The following FAT4 variants were observed in gnomAD, a reference collection of about 807,000 sequenced individuals.
The protein encoded by FAT4 is FAT atypical cadherin 4.
Under a neutral mutation model 303.9 loss-of-function variants are expected in FAT4, and 84 were observed. The observed-to-expected ratio is 0.28, with a 90% CI of 0.23 to 0.33. The LOEUF is 0.33. Among genes scored for constraint, FAT4 ranks in the 10% least tolerant of loss-of-function variants. The probability of loss-of-function intolerance (pLI) is 1.00; values close to 1 mark genes in which losing one functional copy is unlikely to be tolerated. For synonymous variants in FAT4, 2,307 were observed against 2,298.8 expected, an observed-to-expected ratio of 1.00 and a Z score of -0.10; for missense variants, 6,005 against 6,146.8, an observed-to-expected ratio of 0.98 and a Z score of 0.77.
chr4:125,466,814 G>A (rs935487964), intron 11 of FAT4, among the ~76,000 whole-genome samples: 20 of 144,494 alleles, frequency 1.4e-4, no homozygotes, highest in East Asian at 4.0e-4. Flanking sequence ...TCGCTCTGTC[G>A]CCCAGGCTGG....
intron 2 of FAT4, among the ~76,000 whole-genome samples, chr4:125,342,642 ACACT>A (rs1731841612): frequency 2.0e-5 from 3 of 151,922 alleles, no homozygotes; most frequent in African/African-American, 7.2e-5. Flanking sequence ...TTACATTAAA[ACACT>A]CAGCACATTA....
intron 2 of FAT4, among the ~76,000 whole-genome samples, chr4:125,386,138 C>A (rs557795133): frequency 6.6e-6 from 1 of 152,214 alleles, no homozygotes; most frequent in Non-Finnish European, 1.5e-5. Flanking sequence ...TGTACTAGTG[C>A]AATGAACAAA....
chr4:125,486,554 T>A (rs1475486663), intron 16 of FAT4, among the ~76,000 whole-genome samples: 3 of 152,196 alleles, frequency 2.0e-5, no homozygotes, highest in African/African-American at 7.2e-5. Context: ...AGGATTATGC[T>A]CCCTGAACCA....
At chr4:125,396,646 A>T (rs1375224972) in intron 2 of FAT4, among the ~76,000 whole-genome samples, 1 of 152,114 alleles carries the variant, frequency 6.6e-6, no homozygotes, top group East Asian at 1.9e-4. Context: ...ATGCGAGCAC[A>T]CATGCACACA....
chr4:125,369,559 A>C (rs1733024687), intron 2 of FAT4, among the ~76,000 whole-genome samples: 1 of 152,250 alleles, frequency 6.6e-6, no homozygotes, highest in South Asian at 2.1e-4. Flanking sequence ...TCTGTTGTTT[A>C]ATGAAAATGG....
At chr4:125,379,661 T>C (rs1258569714) in intron 2 of FAT4, among the ~76,000 whole-genome samples, 1 of 151,994 alleles carries the variant, frequency 6.6e-6, no homozygotes, top group Non-Finnish European at 1.5e-5. Flanking sequence ...GGTTTCACCA[T>C]GTTGGCCAGG....
chr4:125,423,747 G>C (rs546943297), intron 7 of FAT4, among the ~76,000 whole-genome samples: 63 of 152,274 alleles, frequency 4.1e-4, no homozygotes, highest in African/African-American at 1.4e-3. Flanking sequence ...GAGTGGGACT[G>C]TACCCTGCAA....
At position 125,316,709 on chromosome 4, in the gene FAT4, A is replaced by G; in HGVS notation, c.298A>G (p.Ser100Gly). 2 of 1,613,812 alleles carry G rather than the reference A, an allele frequency of 1.2e-6. No individual in the cohort carries two copies. Among genetic ancestry groups the G allele is most frequent in the Non-Finnish European group, 1.7e-6 (2 of 1,180,030 alleles). Residue 100 changes from serine (S) to glycine (G), a missense_variant, in exon 2 of 18, where the codon AGC (serine) becomes GGC (glycine). Physicochemically the swap from Ser to Gly is moderately conservative, Grantham distance 56. Coordinates refer to ENST00000394329, the MANE Select transcript of FAT4 (RefSeq NM_001291303.3). This position sits in a 1 kb window ranked among gnomAD's most constrained non-coding sequence, Gnocchi z 5.7. ...LYTTSTIDRE[S>G]LPSDVINLVV... ...CACCACCTCCACCATCGACCGCGAG[A>G]GCCTGCCCAGCGACGTGATCAACCT...
intron 2 of FAT4, among the ~76,000 whole-genome samples, chr4:125,367,211 C>T (rs142374257): frequency 4.3e-4 from 65 of 152,194 alleles, no homozygotes; most frequent in African/African-American, 1.5e-3. Context: ...AAGTCTCATC[C>T]ACCAATTATA....
At chr4:125,453,745 G>A (rs1726182614) in intron 10 of FAT4, among the ~76,000 whole-genome samples, 2 of 151,768 alleles carry the variant, frequency 1.3e-5, no homozygotes, top group African/African-American at 2.4e-5. Flanking sequence ...TAATGGTTGG[G>A]TAGAAAGCAC....
chr4:125,396,924 GTGTATATATATATATA>G (rs1356101055), intron 2 of FAT4, among the ~76,000 whole-genome samples: 8 of 19,448 alleles, frequency 4.1e-4, no homozygotes, highest in African/African-American at 4.9e-4. Flanking sequence ...GTATGTGTGT[GTGTATATATATATATA>G]TATATATATA....
intron 8 of FAT4, among the ~76,000 whole-genome samples, chr4:125,442,802 T>G (rs1460524759): frequency 6.6e-6 from 1 of 152,126 alleles, no homozygotes; most frequent in Non-Finnish European, 1.5e-5. Context: ...ATGGATAGAT[T>G]GTATGTAATA....
At chr4:125,397,100 T>A (rs1157251165) in intron 2 of FAT4, among the ~76,000 whole-genome samples, 1 of 151,988 alleles carries the variant, frequency 6.6e-6, no homozygotes, top group Non-Finnish European at 1.5e-5. Context: ...AAAGCCTTTC[T>A]CTGGCTCTAA....
intron 3 of FAT4, among the ~76,000 whole-genome samples, chr4:125,400,716 T>TTA (rs372123094): frequency 6.5e-4 from 98 of 151,414 alleles, no homozygotes; most frequent in Non-Finnish European, 9.6e-4. Context: ...TTTTTAAGTT[T>TTA]AAAAAAAAAT....
intron 2 of FAT4, among the ~76,000 whole-genome samples, chr4:125,351,114 AC>A (rs1049275523): frequency 2.0e-5 from 3 of 151,596 alleles, no homozygotes; most frequent in Non-Finnish European, 3.0e-5. Context: ...TTGGAATAAA[AC>A]TTTTTTGTTG....
intron 2 of FAT4, among the ~76,000 whole-genome samples, chr4:125,345,145 G>A (rs1327588625): frequency 1.3e-5 from 2 of 152,010 alleles, no homozygotes; most frequent in African/African-American, 2.4e-5. Context: ...ATTGTAGATG[G>A]TCAACGATTG....
chr4:125,339,876 A>G (rs937103943), intron 2 of FAT4, among the ~76,000 whole-genome samples: 1 of 152,184 alleles, frequency 6.6e-6, no homozygotes, highest in Admixed American at 6.5e-5. Context: ...ATTTAAAAAA[A>G]TAATATTTTA....
chr4:125,338,656 T>C (rs1451889187), intron 2 of FAT4, among the ~76,000 whole-genome samples: 1 of 152,170 alleles, frequency 6.6e-6, no homozygotes, highest in Non-Finnish European at 1.5e-5. Context: ...AAGATTGCTG[T>C]GATGAAAAAG....
intron 7 of FAT4, among the ~76,000 whole-genome samples, chr4:125,426,604 G>GA (rs1237741072): frequency 5.3e-5 from 8 of 151,750 alleles, no homozygotes; most frequent in African/African-American, 1.9e-4. Context: ...TCTTTAGTCA[G>GA]AAAAAAATAT....
Sources: allele counts gnomAD v4.1 joint callset (sites outside exome capture counted in the v4.1 genomes callset), GRCh38; gene constraint gnomAD v4.1.1; non-coding constraint Gnocchi (gnomAD v3.1); transcripts MANE v1.5; gene names NCBI Gene and HGNC (gene_info 2026-07-23, HGNC 2026-07-21).